The following TOMT variants were observed in gnomAD, a reference collection of about 807,000 sequenced individuals.
The protein encoded by TOMT is transmembrane O-methyltransferase.
In TOMT, 23 loss-of-function variants were observed where a neutral mutation model predicts 21.7. The observed-to-expected ratio is 1.06, with a 90% CI of 0.76 to 1.50. TOMT has a LOEUF of 1.50. Among genes scored for constraint, TOMT ranks in the 40% most tolerant of loss-of-function variants. The probability of loss-of-function intolerance (pLI) is 0.00; values close to 1 mark genes in which losing one functional copy is unlikely to be tolerated. For synonymous variants in TOMT, 132 were observed against 150.8 expected (o/e 0.88, Z 0.91); for missense variants, 331 against 348.7 (o/e 0.95, Z 0.41).
At chr11:72,106,082 G>C in exon 1 of TOMT, 1 of 1,550,048 alleles carries the variant, frequency 6.5e-7, no homozygotes, top group East Asian at 2.4e-5. Flanking sequence ...TCAGGGCTGC[G>C]GATCGAGGAG....
In TOMT at chr11:72,108,491, C is replaced by T. The variant is rs578197244; in HGVS notation, c.457-114C>T. On this transcript the variant is annotated intron_variant, in intron 2 of 2. Transcript: ENST00000541899. ...TCTGAGGTCAGAGGAAATGTGAGAA[C>T]ACTCATGGGAAGCTAAGCCAGGACC... 6.6e-4 allele frequency: 572 copies of T among 860,874 alleles called. 1 individual carries two copies. Among genetic ancestry groups the T allele is most frequent in the South Asian group, 3.2e-3 (145 of 44,912 alleles). The allele number at this position is 860,874 out of a possible 1,614,324, so 53.3% of individuals were successfully genotyped here.
chr11:72,108,544 G>A, intron 2 of TOMT, 61 bp from the exon 3 acceptor site: 1 of 1,389,024 alleles, frequency 7.2e-7, no homozygotes, highest in Middle Eastern at 1.9e-4. Context: ...GATCCTGGTG[G>A]GGTCTTGACT....
downstream of TOMT, chr11:72,109,464 C>G (rs1946123887): frequency 2.5e-6 from 1 of 399,122 alleles, no homozygotes; most frequent in Admixed American, 3.2e-5. Context: ...CTGGCCTTCC[C>G]TAACTCTGGC....
At chr11:72,106,276 T>C in intron 1 of TOMT, 66 bp downstream of exon 1, 3 of 1,385,098 alleles carry the variant, frequency 2.2e-6, no homozygotes, top group Non-Finnish European at 2.8e-6. Context: ...ATTTGGGATC[T>C]GTTGCTGCTT....
exon 1 of TOMT, chr11:72,106,066 T>C (rs1438417577): frequency 5.2e-6 from 8 of 1,550,732 alleles, no homozygotes; most frequent in Non-Finnish European, 6.1e-6. Flanking sequence ...CCTCCGAGAC[T>C]GCCTGTCAGG....
At chr11:72,109,026 TG>T in exon 3 of TOMT, 1 of 1,040,000 alleles carries the variant, frequency 9.6e-7, no homozygotes, top group Non-Finnish European at 1.4e-6. Flanking sequence ...TGACACACGC[TG>T]GGCTCAGGGC....
chr11:72,106,145 T>C (rs1945678430), exon 1 of TOMT: 3 of 1,539,594 alleles, frequency 1.9e-6, no homozygotes, highest in African/African-American at 2.7e-5. Context: ...CCTGGTCACA[T>C]CCTCACCACC....
chr11:72,107,146 G>A (rs918565644), intron 1 of TOMT: 1 of 410,678 alleles, frequency 2.4e-6, no homozygotes, highest in Non-Finnish European at 4.3e-6. Flanking sequence ...GAGTAACTGT[G>A]GTTCCAGCTA....
intron 2 of TOMT, 122 bp from the exon 3 acceptor site, chr11:72,108,483 T>C: frequency 1.2e-6 from 1 of 803,006 alleles, no homozygotes; most frequent in East Asian, 2.8e-5. Flanking sequence ...TCAGAGGAAA[T>C]GTGAGAACAC....
rs904908106 is a variant in TOMT, at chr11:72,107,308, A to C, written c.260-615A>C. The C allele has an allele frequency of 6.6e-6, 4 of 605,474 alleles. No individual in the cohort carries two copies. The Admixed American group carries it at 1.2e-4, about 18-fold the overall frequency. 37.5% of individuals were successfully genotyped at this position (605,474 alleles called of 1,614,324 possible). The stretch of plus-strand genomic sequence containing the variant: ...AAGTTCATCCAATTCCAAGATCAGA[A>C]ATACATTTGATGAGCAATAAAAGGG... On this transcript the variant is annotated intron_variant, in intron 1 of 2. Transcript: ENST00000541899.
In TOMT at chr11:72,106,061, G is replaced by A. The variant is rs188715129; in HGVS notation, c.110G>A (p.Arg37Gln). The A allele has an allele frequency of 4.4e-5, 69 of 1,550,752 alleles. 1 individual carries two copies. The East Asian group carries it at 7.1e-4, about 16-fold the overall frequency. ...CGCACGGTCTTGCTGCGAAGCCTCC[G>A]AGACTGCCTGTCAGGGCTGCGGATC... The change falls in exon 1 of 3, where the codon CGA (arginine) becomes CAA (glutamine). Residue 37 changes from arginine to glutamine, a missense_variant. By Grantham distance (43) the Arg-to-Gln change is conservative. Transcript: ENST00000541899.
chr11:72,109,353 C>T (rs1212943466), downstream of TOMT: 1 of 464,628 alleles, frequency 2.2e-6, no homozygotes, highest in African/African-American at 2.0e-5. Flanking sequence ...TGGGTGGGAT[C>T]AGAGGAAGTG....
intron 1 of TOMT, chr11:72,107,237 A>G (rs1945775652): frequency 3.4e-6 from 2 of 587,454 alleles, no homozygotes; most frequent in Non-Finnish European, 3.0e-6. Flanking sequence ...ACTGCACTCC[A>G]GCCTGGGCAA....
chr11:72,108,548 C>G, intron 2 of TOMT, 57 bp from the exon 3 acceptor site: 1 of 1,407,200 alleles, frequency 7.1e-7, no homozygotes, highest in Non-Finnish European at 9.3e-7. Context: ...CTGGTGGGGT[C>G]TTGACTGGGA....
intron 2 of TOMT, 99 bp from the exon 3 acceptor site, chr11:72,108,505 TA>T: frequency 1.9e-6 from 2 of 1,079,764 alleles, no homozygotes; most frequent in Non-Finnish European, 2.6e-6. Context: ...CATGGGAAGC[TA>T]AGCCAGGACC....
At chr11:72,106,162 C>A in exon 1 of TOMT, 1 of 1,525,608 alleles carries the variant, frequency 6.6e-7, no homozygotes, top group South Asian at 1.2e-5. Context: ...CACCCTGGAC[C>A]ACTGGAGCAG....
At chr11:72,107,893 G>A (rs1945851159) in intron 1 of TOMT, 30 bp from the exon 2 acceptor site, 2 of 1,551,212 alleles carry the variant, frequency 1.3e-6, no homozygotes, top group Admixed American at 2.0e-5. Context: ...CATCTCCCAT[G>A]TCTTCTGCAA....
At position 72,108,634 on chromosome 11, in the gene TOMT, C is replaced by T. The variant is rs373088272; in HGVS notation, c.486C>T (p.Asp162=). 2.5e-4 allele frequency: 381 copies of T among 1,495,962 alleles called. No individual in the cohort carries two copies. The highest frequency in any genetic ancestry group is 3.2e-4 in the Non-Finnish European group (360 of 1,116,482). 92.7% of individuals were successfully genotyped at this position (1,495,962 alleles called of 1,614,324 possible). A position where few individuals can be genotyped will look rare whatever the true frequency, so the allele number is the denominator to read the frequency against. ...AGCTCATCGTGGGCAGCTCAGAGGA[C>T]GTGATCCCGTGCCTACGCACCCAGT... Residue 162 remains aspartate, a synonymous_variant, in exon 3 of 3, where the codon GAC becomes GAT. Transcript: ENST00000541899.
chr11:72,108,142 C>G, intron 2 of TOMT, 23 bp downstream of exon 2: 1 of 1,474,290 alleles, frequency 6.8e-7, no homozygotes. Flanking sequence ...TCTCCCCAAC[C>G]CAGATTTTTG....
Sources: allele counts gnomAD v4.1 joint callset, GRCh38; gene constraint gnomAD v4.1.1; transcripts MANE v1.5; gene names NCBI Gene and HGNC (gene_info 2026-07-23, HGNC 2026-07-21).